EMILIN2: variants seen among roughly 807,000 people sequenced by gnomAD.
The protein encoded by EMILIN2 is elastin microfibril interfacer 2, also known as EMILIN-2.
EMILIN2 carries 71 observed loss-of-function variants against 87.1 expected under a neutral mutation model. The observed-to-expected ratio is 0.82, with a 90% CI of 0.67 to 0.99. The LOEUF (loss-of-function observed/expected upper bound fraction) is 0.99, where lower values mean the gene tolerates loss of function less well. Ranked by LOEUF, EMILIN2 falls within the 50% of genes least tolerant of loss-of-function variation. EMILIN2 has a pLI of 0.00. For synonymous variants in EMILIN2, 581 were observed against 563.4 expected, an observed-to-expected ratio of 1.03 and a Z score of -0.44; for missense variants, 1,407 against 1,371.8, an observed-to-expected ratio of 1.03 and a Z score of -0.40.
intron 7 of EMILIN2, 148 bp from the exon 8 acceptor site, chr18:2,912,919 A>C: frequency 1.3e-6 from 1 of 793,866 alleles, no homozygotes; most frequent in Non-Finnish European, 2.0e-6. Context: ...TGAGCATAAA[A>C]AGCAGCTGAG....
At position 2,914,042 on chromosome 18, in the gene EMILIN2, G is replaced by A. The variant is rs1401470523; in HGVS notation, c.*638G>A. On this transcript the variant is annotated 3_prime_UTR_variant, in exon 8 of 8. Coordinates refer to ENST00000254528, the MANE Select transcript of EMILIN2 (RefSeq NM_032048.3). Reference sequence around the variant, plus strand: ...TGTACAATTTAAGTGCAAAGACAGGGAGTGTCAATAAAGATGGAAAGCCAT... The same window carrying A: ...TGTACAATTTAAGTGCAAAGACAGGAAGTGTCAATAAAGATGGAAAGCCAT... 2 of 152,430 alleles carry A rather than the reference G, an allele frequency of 1.3e-5. No individual in the cohort carries two copies. Among genetic ancestry groups the A allele is most frequent in the African/African-American group, 4.8e-5 (2 of 41,298 alleles). The allele number at this position is 152,430 out of a possible 1,614,324, so 9.4% of individuals were successfully genotyped here. A position where few individuals can be genotyped will look rare whatever the true frequency, so the allele number is the denominator to read the frequency against.
chr18:2,889,256 G>A (rs2076820420), intron 3 of EMILIN2, among the ~76,000 whole-genome samples: 1 of 148,730 alleles, frequency 6.7e-6, no homozygotes, highest in Admixed American at 6.9e-5. Context: ...TTCTGTCTCA[G>A]CCTCCCTAGT....
intron 2 of EMILIN2, among the ~76,000 whole-genome samples, chr18:2,868,662 G>A (rs1412878627): frequency 2.0e-5 from 3 of 152,364 alleles, no homozygotes; most frequent in South Asian, 2.1e-4. Flanking sequence ...CAGGCGTGGG[G>A]GCGCGCGCCT....
intron 2 of EMILIN2, among the ~76,000 whole-genome samples, chr18:2,884,626 A>G (rs1188925812): frequency 6.6e-6 from 1 of 152,262 alleles, no homozygotes; most frequent in African/African-American, 2.4e-5. Flanking sequence ...ATTGTAGAAC[A>G]GAAGTTTGGT....
Position 2,890,874 on chromosome 18 carries a change from T to C in EMILIN2, c.747T>C (p.Pro249=), listed in dbSNP as rs776171192. The change falls in exon 4 of 8, where the codon CCT becomes CCC. Residue 249 remains proline (P), a synonymous_variant. Coordinates refer to ENST00000254528, the MANE Select transcript of EMILIN2 (RefSeq NM_032048.3). This position sits in a 1 kb window ranked among gnomAD's most constrained non-coding sequence, Gnocchi z 4.7. Reference sequence around the variant, plus strand: ...GAGACACAGAAACGGGCCAGAGTCCTGGTGTCTTCAACACTAAGGAATCTG... The same window carrying C: ...GAGACACAGAAACGGGCCAGAGTCCCGGTGTCTTCAACACTAAGGAATCTG... ...VSGDTETGQS[P]GVFNTKESGM... is the part of the protein sequence containing the mutation. The C allele has an allele frequency of 6.2e-6, 10 of 1,613,784 alleles. No individual in the cohort carries two copies. The Admixed American group carries it at 1.7e-4, about 27-fold the overall frequency.
In EMILIN2 at chr18:2,872,333, C is replaced by A. The variant is rs74497292; in HGVS notation, c.258-12631C>A. On this transcript the variant is annotated intron_variant, in intron 2 of 7. Transcript: ENST00000254528. ...GAGACTATAAATTTGAACAACTGTC[C>A]ATGGCTTGTATTTTTTAAATGGAAT... Among the ~76,000 whole-genome samples the A allele has an allele frequency of 4.6e-3, 697 of 152,164 alleles. 7 individuals carry two copies. The highest frequency in any genetic ancestry group is 0.016 in the African/African-American group (674 of 41,500).
upstream of EMILIN2, chr18:2,846,902 G>C: frequency 4.0e-6 from 4 of 989,306 alleles, no homozygotes; most frequent in Non-Finnish European, 4.8e-6. The surrounding 1 kb of genome is among the most constrained non-coding windows in gnomAD (Gnocchi z 5.3). Context: ...TTGGTGGGGG[G>C]AGAGTCACGT....
intron 2 of EMILIN2, among the ~76,000 whole-genome samples, chr18:2,862,692 T>G (rs527637014): frequency 6.6e-6 from 1 of 152,328 alleles, no homozygotes; most frequent in South Asian, 2.1e-4. Flanking sequence ...TTTTTTTTGT[T>G]GTGTCTCTGC....
At chr18:2,885,194 C>T in intron 3 of EMILIN2, 55 bp downstream of exon 3, 8 of 1,494,482 alleles carry the variant, frequency 5.4e-6, no homozygotes, top group Non-Finnish European at 5.4e-6. Context: ...TCCGGTGCTC[C>T]TTCAAACAAC....
At chr18:2,883,207 A>C (rs2144021634) in intron 2 of EMILIN2, among the ~76,000 whole-genome samples, 1 of 152,272 alleles carries the variant, frequency 6.6e-6, no homozygotes, top group South Asian at 2.1e-4. Flanking sequence ...TGTAATTGTC[A>C]GTGTGTGACC....
At chr18:2,874,480 G>A (rs150899823) in intron 2 of EMILIN2, among the ~76,000 whole-genome samples, 9 of 152,146 alleles carry the variant, frequency 5.9e-5, no homozygotes, top group South Asian at 2.1e-4. Context: ...TCTTTATCTC[G>A]CTAAGCAGCC....
At chr18:2,911,223 C>T (rs2076939268) in intron 7 of EMILIN2, among the ~76,000 whole-genome samples, 2 of 152,302 alleles carry the variant, frequency 1.3e-5, no homozygotes, top group South Asian at 2.1e-4. Context: ...TCCAGGGTTG[C>T]GTCCCTTTCC....
At chr18:2,868,239 T>C (rs1162078242) in intron 2 of EMILIN2, among the ~76,000 whole-genome samples, 1 of 147,138 alleles carries the variant, frequency 6.8e-6, no homozygotes, top group African/African-American at 2.5e-5. Flanking sequence ...TCTCAGACGA[T>C]GGGCGGCCAG....
intron 2 of EMILIN2, among the ~76,000 whole-genome samples, chr18:2,870,740 C>T (rs2076715169): frequency 6.6e-6 from 1 of 152,202 alleles, no homozygotes. Flanking sequence ...AGCCAAGACA[C>T]ACGAGCAGGG....
At chr18:2,885,515 G>A (rs890075004) in intron 3 of EMILIN2, among the ~76,000 whole-genome samples, 1 of 152,054 alleles carries the variant, frequency 6.6e-6, no homozygotes, top group African/African-American at 2.4e-5. Flanking sequence ...GGTTAAAATT[G>A]TTTTTTATTT....
At chr18:2,900,433 C>T (rs1289696506) in intron 4 of EMILIN2, among the ~76,000 whole-genome samples, 1 of 152,224 alleles carries the variant, frequency 6.6e-6, no homozygotes, top group Non-Finnish European at 1.5e-5. Context: ...AGCAATCCTC[C>T]CACTGCAGCC....
chr18:2,865,902 G>T (rs1014857954), intron 2 of EMILIN2, among the ~76,000 whole-genome samples: 1 of 152,152 alleles, frequency 6.6e-6, no homozygotes, highest in Non-Finnish European at 1.5e-5. Context: ...CTCAAGCGTC[G>T]GCAATGGCAG....
rs375495282 is a variant in EMILIN2, at chr18:2,913,232, G to C, written c.2990G>C (p.Gly997Ala). ...TTCCTGGAATACCACCGCCCTCCAG[G>C]AGCTTTGCATACCTGCGGGGGCCCG... Reference protein sequence around the residue: ...REFLEYHRPPGALHTCGGPGA... With the variant: ...REFLEYHRPPAALHTCGGPGA... Residue 997 changes from glycine (G) to alanine (A), a missense_variant, in exon 8 of 8, where the codon GGA becomes GCA. Transcript: ENST00000254528. 1.7e-5 allele frequency: 27 copies of C among 1,614,008 alleles called. No individual in the cohort carries two copies. Among genetic ancestry groups the C allele is most frequent in the Non-Finnish European group, 2.2e-5 (26 of 1,180,048 alleles).
At chr18:2,884,001 G>A (rs931696390) in intron 2 of EMILIN2, among the ~76,000 whole-genome samples, 2 of 152,104 alleles carry the variant, frequency 1.3e-5, no homozygotes, top group African/African-American at 2.4e-5. Flanking sequence ...TGTCACCCAG[G>A]CTGGAGTGCA....
Sources: gnomAD v4.1 joint callset for allele counts (sites outside exome capture counted in the v4.1 genomes callset) on GRCh38, gnomAD v4.1.1 for gene constraint, Gnocchi (gnomAD v3.1) non-coding constraint, MANE v1.5 for transcripts, NCBI Gene and HGNC (gene_info 2026-07-23, HGNC 2026-07-21) for gene names.